The following CEP290 variants were observed in gnomAD, a reference collection of about 807,000 sequenced individuals.
CEP290 encodes the protein centrosomal protein of 290 kDa.
In CEP290, 317 loss-of-function variants were observed where a neutral mutation model predicts 344.9. The observed-to-expected ratio is 0.92, with a 90% CI of 0.84 to 1.01. The LOEUF (loss-of-function observed/expected upper bound fraction) is 1.01, where lower values mean the gene tolerates loss of function less well. Ranked by LOEUF, CEP290 falls within the 50% of genes least tolerant of loss-of-function variation. CEP290 has a pLI of 0.00. For missense variants in CEP290, 2,754 were observed against 2,761.4 expected, an observed-to-expected ratio of 1.00 and a Z score of 0.06; for synonymous variants, 932 against 895.8, an observed-to-expected ratio of 1.04 and a Z score of -0.72.
At chr12:88,088,415 C>A (rs890297536) in intron 31 of CEP290, among the ~76,000 whole-genome samples, 1 of 152,050 alleles carries the variant, frequency 6.6e-6, no homozygotes, top group Non-Finnish European at 1.5e-5. Context: ...CAGTAGAAAT[C>A]AACTGATAAC....
rs1218046018 is a variant in CEP290 at position 88,093,893 on chromosome 12, C to T, written c.3186G>A (p.Leu1062=). The T allele has an allele frequency of 6.2e-7, 1 of 1,612,612 alleles. No homozygotes were observed. Among genetic ancestry groups the T allele is most frequent in the Non-Finnish European group, 8.5e-7 (1 of 1,179,250 alleles). Residue 1062 remains leucine, a synonymous_variant, in exon 28 of 54, where the codon CTG becomes CTA. Transcript: ENST00000552810. ...IVSISKKITM[L]EMKELNERQR... The stretch of plus-strand genomic sequence containing the variant: ...GCCTTTCATTTAATTCCTTCATTTC[C>T]AGCATAGTTATTTTTTTTGAAATGG...
intron 12 of CEP290, among the ~76,000 whole-genome samples, 178 bp downstream of exon 12, chr12:88,126,138 C>G (rs2039714034): frequency 6.6e-6 from 1 of 151,986 alleles, no homozygotes; most frequent in Non-Finnish European, 1.5e-5. Context: ...GTGATCTAAA[C>G]TTAATTCTAA....
chr12:88,078,953 A>ATG (rs2035985587), intron 39 of CEP290, 139 bp downstream of exon 39: 2 of 567,320 alleles, frequency 3.5e-6, no homozygotes, highest in Middle Eastern at 3.6e-4. Context: ...TGAAAAATGC[A>ATG]TGTGTGTGTC....
chr12:88,049,901 G>C (rs2033323815), intron 53 of CEP290: 1 of 158,692 alleles, frequency 6.3e-6, no homozygotes, highest in African/African-American at 2.4e-5. Context: ...CTGGTGAAGA[G>C]ACAATTCAAG....
At chr12:88,076,558 C>T (rs1309125305) in intron 41 of CEP290, among the ~76,000 whole-genome samples, 1 of 152,064 alleles carries the variant, frequency 6.6e-6, no homozygotes, top group Non-Finnish European at 1.5e-5. Context: ...CAAGTTATCT[C>T]CAATTTATTG....
chr12:88,079,242 C>CAAA lies in CEP290; in HGVS notation c.5227-16_5227-14dup. ...CCCGACTAAGTGCCTAAAAATTAAC[C>CAAA]AAAAAAAAAATGTAATTTTTAAAGG... On this transcript the variant is annotated splice_polypyrimidine_tract_variant and intron_variant, in intron 38 of 53. Coordinates refer to ENST00000552810, the MANE Select transcript of CEP290 (RefSeq NM_025114.4). The CAAA allele has an allele frequency of 8.0e-7, 1 of 1,248,784 alleles. No homozygotes were observed. The highest frequency in any genetic ancestry group is 1.1e-6 in the Non-Finnish European group (1 of 918,272). The allele number at this position is 1,248,784 out of a possible 1,614,324, so 77.4% of individuals were successfully genotyped here.
intron 37 of CEP290, among the ~76,000 whole-genome samples, chr12:88,080,736 T>C (rs545400474): frequency 1.2e-4 from 19 of 152,234 alleles, no homozygotes; most frequent in Non-Finnish European, 2.2e-4. Context: ...GCCAAACATA[T>C]GTAATTAATA....
chr12:88,098,304 C>CAA (rs35589245), intron 26 of CEP290, among the ~76,000 whole-genome samples: 39 of 98,858 alleles, frequency 3.9e-4, no homozygotes, highest in Admixed American at 2.8e-3. Flanking sequence ...AACTCCATCT[C>CAA]AAAAAAAAAA....
chr12:88,122,333 T>C (rs1020643709), intron 13 of CEP290, among the ~76,000 whole-genome samples: 2 of 152,186 alleles, frequency 1.3e-5, no homozygotes, highest in African/African-American at 4.8e-5. Flanking sequence ...TCTTGCTGTT[T>C]GGGACACAGA....
Position 88,080,245 on chromosome 12 carries a change from AGTT to A in CEP290, c.5160_5162del (p.Thr1722del), listed in dbSNP as rs2036097981. 6.2e-7 allele frequency: 1 copy of A among 1,613,066 alleles called. No individual in the cohort carries two copies. Among genetic ancestry groups the A allele is most frequent in the South Asian group, 1.1e-5 (1 of 91,036 alleles). ...GCCGTTCTACTAGATTTCTCATTGTAGTTGTTGGAGCTCTTGAATTTGCTTCTT... is the reference window on the plus strand; with the variant it reads ...GCCGTTCTACTAGATTTCTCATTGTAGTTGGAGCTCTTGAATTTGCTTCTT... On this transcript the variant is annotated inframe_deletion, in exon 38 of 54. Transcript: ENST00000552810.
At chr12:88,068,286 A>G (rs1452921832) in intron 44 of CEP290, among the ~76,000 whole-genome samples, 3 of 152,044 alleles carry the variant, frequency 2.0e-5, no homozygotes, top group African/African-American at 7.2e-5. Flanking sequence ...AATTTCTAGA[A>G]ATCATTTATG....
At chr12:88,129,103 T>C in intron 10 of CEP290, 68 bp from the exon 11 acceptor site, 1 of 773,034 alleles carries the variant, frequency 1.3e-6, no homozygotes, top group Non-Finnish European at 1.9e-6. Context: ...CTGTGCATAT[T>C]TACATATACA....
chr12:88,055,823 T>A (rs1203486723), intron 49 of CEP290, 106 bp from the exon 50 acceptor site: 2 of 811,682 alleles, frequency 2.5e-6, no homozygotes, highest in African/African-American at 3.6e-5. Flanking sequence ...ATATCTTATT[T>A]TACTGTTTCT....
chr12:88,115,573 A>AT (rs1260197273), intron 18 of CEP290: 1 of 1,285,768 alleles, frequency 7.8e-7, no homozygotes, highest in Admixed American at 2.3e-5. Flanking sequence ...ATTTCATTCT[A>AT]AAGAAAAATT....
chr12:88,106,653 G>C, intron 25 of CEP290, 22 bp downstream of exon 25: 1 of 1,542,762 alleles, frequency 6.5e-7, no homozygotes, highest in African/African-American at 1.4e-5. Context: ...GTCAGAAAAA[G>C]CAAAATAAGA....
At chr12:88,067,214 TA>T (rs35708594) in intron 44 of CEP290, among the ~76,000 whole-genome samples, 32,876 of 142,736 alleles carry the variant, frequency 0.23, 3,776 homozygotes, top group Non-Finnish European at 0.29. Context: ...ACACCAATTG[TA>T]AAAAAAAAAA....
In CEP290 at chr12:88,125,372, A is replaced by G. The variant is rs996569804; in HGVS notation, c.1066-3T>C. 3.9e-6 allele frequency: 5 copies of G among 1,268,554 alleles called. No individual in the cohort carries two copies. Among genetic ancestry groups the G allele is most frequent in the East Asian group, 3.1e-5 (1 of 32,314 alleles). The allele number at this position is 1,268,554 out of a possible 1,614,324, so 78.6% of individuals were successfully genotyped here. ...TGACTGTCTCGTTCCTGTATACCCT[A>G]TAAAATATTTTAAAACAATATATAT... is the stretch of plus-strand genomic sequence containing the variant. On this transcript the variant is annotated splice_region_variant and splice_polypyrimidine_tract_variant and intron_variant, in intron 12 of 53. Coordinates refer to ENST00000552810, the MANE Select transcript of CEP290 (RefSeq NM_025114.4).
At chr12:88,094,152 T>C (rs2037259348) in intron 27 of CEP290, among the ~76,000 whole-genome samples, 177 bp from the exon 28 acceptor site, 2 of 152,010 alleles carry the variant, frequency 1.3e-5, no homozygotes. Flanking sequence ...GTGTGATGCC[T>C]GTACCATTTA....
Position 88,049,040 on chromosome 12 carries a change from T to C in CEP290, c.*144A>G, listed in dbSNP as rs993123845. On this transcript the variant is annotated 3_prime_UTR_variant, in exon 54 of 54. Coordinates refer to ENST00000552810, the MANE Select transcript of CEP290 (RefSeq NM_025114.4). ...ATAAGTTGAAAATTTCATATAATTT[T>C]ATTTATTAAGAATTCCAATCTAAGT... The C allele has an allele frequency of 2.2e-6, 1 of 447,118 alleles. No individual in the cohort carries two copies. Among genetic ancestry groups the C allele is most frequent in the African/African-American group, 2.1e-5 (1 of 47,960 alleles). 27.7% of individuals were successfully genotyped at this position (447,118 alleles called of 1,614,324 possible). A position where few individuals can be genotyped will look rare whatever the true frequency, so the allele number is the denominator to read the frequency against.
Sources: gnomAD v4.1 joint callset for allele counts (sites outside exome capture counted in the v4.1 genomes callset) on GRCh38, gnomAD v4.1.1 for gene constraint, MANE v1.5 for transcripts, NCBI Gene and HGNC (gene_info 2026-07-23, HGNC 2026-07-21) for gene names.